The following PKD1L1 variants were observed in gnomAD, a reference collection of about 807,000 sequenced individuals.
The protein encoded by PKD1L1 is polycystin-1-like protein 1.
In PKD1L1, 236 loss-of-function variants were observed where a neutral mutation model predicts 323.4. The observed-to-expected ratio is 0.73, with a 90% confidence interval of 0.66 to 0.81. The LOEUF (loss-of-function observed/expected upper bound fraction) is 0.81. Among genes scored for constraint, PKD1L1 ranks in the 40% least tolerant of loss-of-function variants. The pLI, the probability that PKD1L1 is intolerant of heterozygous loss-of-function variation, is 0.00. For missense variants in PKD1L1, 3,320 were observed against 3,508.0 expected (o/e 0.95, Z 1.35); for synonymous variants, 1,344 against 1,335.0 (o/e 1.01, Z -0.15).
chr7:47,903,210 A>G (rs1787129125), intron 12 of PKD1L1, among the ~76,000 whole-genome samples: 1 of 152,218 alleles, frequency 6.6e-6, no homozygotes, highest in Admixed American at 6.5e-5. Context: ...CCATCAGAAG[A>G]CCACAAATTT....
At chr7:47,912,815 CAAAAAAAAAAAA>C (rs59792729) in intron 8 of PKD1L1, among the ~76,000 whole-genome samples, 1 of 63,636 alleles carries the variant, frequency 1.6e-5, no homozygotes, top group African/African-American at 6.7e-5. Flanking sequence ...GACTGTGTCT[CAAAAAAAAAAAA>C]AAAAAAAAAA....
intron 16 of PKD1L1, among the ~76,000 whole-genome samples, chr7:47,888,418 T>G (rs74756525): frequency 0.053 from 7,994 of 152,256 alleles, 536 homozygotes; most frequent in African/African-American, 0.16. Flanking sequence ...TGTGTAGCTT[T>G]TCCGAGTCAC....
At chr7:47,815,808 A>C (rs966970719) in intron 46 of PKD1L1, among the ~76,000 whole-genome samples, 7 of 152,214 alleles carry the variant, frequency 4.6e-5, no homozygotes, top group African/African-American at 1.7e-4. Context: ...GCAACAAATA[A>C]GACAAATAAG....
intron 7 of PKD1L1, among the ~76,000 whole-genome samples, chr7:47,922,890 T>C (rs1213982955): frequency 6.6e-6 from 1 of 152,136 alleles, no homozygotes; most frequent in Non-Finnish European, 1.5e-5. Flanking sequence ...TTTTGTCGAA[T>C]AGAAAAGGGG....
intron 21 of PKD1L1, among the ~76,000 whole-genome samples, chr7:47,879,333 G>A (rs1786478608): frequency 6.6e-6 from 1 of 152,146 alleles, no homozygotes; most frequent in Non-Finnish European, 1.5e-5. Context: ...CCTATCTGTA[G>A]ATAAAAATTG....
At chr7:47,880,284 A>ATATATTTTTTT (rs1225214936) in intron 21 of PKD1L1, among the ~76,000 whole-genome samples, 1 of 56,818 alleles carries the variant, frequency 1.8e-5, no homozygotes, top group African/African-American at 1.1e-4. Context: ...ATATATATAT[A>ATATATTTTTTT]TTTTTTTTTT....
At chr7:47,958,959 TTGCAGGC>T in the PKD1L1 span, among the ~76,000 whole-genome samples, 1 of 152,250 alleles carries the variant, frequency 6.6e-6, no homozygotes, top group Non-Finnish European at 1.5e-5. Flanking sequence ...GTGCCTGCGA[TTGCAGGC>T]GCGCGCCACC....
At chr7:47,800,211 G>A (rs1021445119) in intron 54 of PKD1L1, among the ~76,000 whole-genome samples, 1 of 152,194 alleles carries the variant, frequency 6.6e-6, no homozygotes, top group Non-Finnish European at 1.5e-5. Context: ...GTGAAACAGG[G>A]AGCCATTCCT....
chr7:47,828,959 C>A (rs1785288993), intron 44 of PKD1L1, among the ~76,000 whole-genome samples: 1 of 152,192 alleles, frequency 6.6e-6, no homozygotes, highest in South Asian at 2.1e-4. Flanking sequence ...AGACCTCTCT[C>A]TTCCTTCATA....
intron 7 of PKD1L1, among the ~76,000 whole-genome samples, chr7:47,924,567 T>C (rs2128754299): frequency 6.6e-6 from 1 of 152,362 alleles, no homozygotes; most frequent in Non-Finnish European, 1.5e-5. Flanking sequence ...TATGGTTTAA[T>C]GCCTACTCAT....
chr7:47,815,549 T>C, intron 46 of PKD1L1, 92 bp from the exon 47 acceptor site: 1 of 1,435,860 alleles, frequency 7.0e-7, no homozygotes, highest in Non-Finnish European at 9.6e-7. Flanking sequence ...CCAATTTTTC[T>C]CTCATTCAGA....
At chr7:47,780,259 T>C (rs547273479) in intron 56 of PKD1L1, among the ~76,000 whole-genome samples, 7 of 152,314 alleles carry the variant, frequency 4.6e-5, no homozygotes, top group African/African-American at 1.7e-4. Flanking sequence ...GCCTTCTTCC[T>C]TCCTTCCTCA....
intron 19 of PKD1L1, among the ~76,000 whole-genome samples, chr7:47,884,187 C>T (rs112882929): frequency 4.0e-5 from 5 of 125,712 alleles, no homozygotes; most frequent in Admixed American, 1.6e-4. Flanking sequence ...GGGGGGAAGG[C>T]GGGGGGAGTG....
chr7:47,825,001 G>A (rs1292782468), intron 45 of PKD1L1, among the ~76,000 whole-genome samples: 1 of 152,216 alleles, frequency 6.6e-6, no homozygotes, highest in African/African-American at 2.4e-5. Flanking sequence ...CTATCATTGT[G>A]TAGAGACTTC....
intron 33 of PKD1L1, among the ~76,000 whole-genome samples, chr7:47,844,110 T>C (rs1039709044): frequency 6.6e-6 from 1 of 152,158 alleles, no homozygotes; most frequent in South Asian, 2.1e-4. Flanking sequence ...GCTTCCCCCA[T>C]GGTTTGCCCC....
At chr7:47,864,702 C>T (rs1262065640) in intron 26 of PKD1L1, among the ~76,000 whole-genome samples, 1 of 139,262 alleles carries the variant, frequency 7.2e-6, no homozygotes, top group African/African-American at 2.7e-5. Flanking sequence ...CCTCCCCTCC[C>T]TTCCCTTCCC....
chr7:47,821,025 A>G, intron 46 of PKD1L1, 51 bp downstream of exon 46: 1 of 1,121,992 alleles, frequency 8.9e-7, no homozygotes, highest in South Asian at 1.3e-5. Flanking sequence ...CACACAGGCT[A>G]TGGAATAGTG....
intron 3 of PKD1L1, among the ~76,000 whole-genome samples, chr7:47,937,580 G>A (rs1373396607): frequency 1.3e-5 from 2 of 152,142 alleles, no homozygotes; most frequent in Admixed American, 6.5e-5. Flanking sequence ...GTGTGGTTGC[G>A]GTACTGAAGA....
At chr7:47,873,857 CAAAT>C (rs1786340550) in intron 24 of PKD1L1, 38 bp downstream of exon 24, 2 of 1,490,708 alleles carry the variant, frequency 1.3e-6, no homozygotes. Flanking sequence ...GGAAGAAATA[CAAAT>C]AATGGCTAGG....
Sources: gnomAD v4.1 joint callset for allele counts (sites outside exome capture counted in the v4.1 genomes callset) on GRCh38, gnomAD v4.1.1 for gene constraint, MANE v1.5 for transcripts, NCBI Gene and HGNC (gene_info 2026-07-23, HGNC 2026-07-21) for gene names.